MCTP1: variants seen among roughly 807,000 people sequenced by gnomAD.
MCTP1 encodes multiple C2 and transmembrane domain containing 1, also known as multiple C2 and transmembrane domain-containing protein 1.
In MCTP1, 69 loss-of-function variants were observed where a neutral mutation model predicts 120.6. The ratio of observed to expected loss-of-function variants is 0.57; its 90% CI spans 0.47 to 0.70. The LOEUF (loss-of-function observed/expected upper bound fraction) is 0.70. Ranked by LOEUF, MCTP1 falls within the 30% of genes least tolerant of loss-of-function variation. The pLI, the probability that MCTP1 is intolerant of heterozygous loss-of-function variation, is 0.00. For missense variants in MCTP1, 1,203 were observed against 1,248.8 expected, an observed-to-expected ratio of 0.96 and a Z score of 0.55; for synonymous variants, 529 against 493.1, an observed-to-expected ratio of 1.07 and a Z score of -0.96.
At chr5:94,975,353 A>T (rs146520949) in intron 2 of MCTP1, among the ~76,000 whole-genome samples, 18 of 151,990 alleles carry the variant, frequency 1.2e-4, no homozygotes, top group African/African-American at 4.1e-4. Flanking sequence ...TGCCCTCCTG[A>T]TGGGATTAGT....
At chr5:94,988,663 G>C (rs1830901932) in intron 2 of MCTP1, among the ~76,000 whole-genome samples, 1 of 147,978 alleles carries the variant, frequency 6.8e-6, no homozygotes, top group Non-Finnish European at 1.5e-5. Context: ...TTAAGATTTG[G>C]TTAGGTCCAG....
intron 1 of MCTP1, among the ~76,000 whole-genome samples, chr5:95,164,371 G>A (rs1279316960): frequency 2.0e-5 from 3 of 151,848 alleles, no homozygotes; most frequent in South Asian, 2.1e-4. Context: ...TAAATGTTTT[G>A]GAATCTTAAA....
chr5:94,812,843 T>C (rs572546708), intron 17 of MCTP1, among the ~76,000 whole-genome samples: 11 of 151,250 alleles, frequency 7.3e-5, no homozygotes, highest in Non-Finnish European at 1.5e-4. Context: ...GAGAAAATAT[T>C]TGTGGCCTTG....
intron 18 of MCTP1, among the ~76,000 whole-genome samples, chr5:94,780,338 AAG>A (rs1776305365): frequency 6.6e-6 from 1 of 152,078 alleles, no homozygotes; most frequent in African/African-American, 2.4e-5. Flanking sequence ...GTATTATGAA[AAG>A]AGTTACATAA....
At chr5:94,796,092 C>T (rs1779942845) in intron 18 of MCTP1, among the ~76,000 whole-genome samples, 1 of 152,116 alleles carries the variant, frequency 6.6e-6, no homozygotes, top group Non-Finnish European at 1.5e-5. Flanking sequence ...AGAATTTTAC[C>T]CATCTATGCA....
chr5:95,223,393 G>A (rs1273525087), intron 1 of MCTP1, among the ~76,000 whole-genome samples: 1 of 152,142 alleles, frequency 6.6e-6, no homozygotes, highest in East Asian at 1.9e-4. Context: ...CGAGGCTGCA[G>A]TGAGCCACGA....
At chr5:94,824,715 A>C (rs1786550637) in intron 17 of MCTP1, among the ~76,000 whole-genome samples, 2 of 152,124 alleles carry the variant, frequency 1.3e-5, no homozygotes, top group African/African-American at 4.8e-5. Context: ...CAGTTTCAGA[A>C]CTTGTTATTG....
chr5:95,123,795 G>A (rs1055084336), intron 1 of MCTP1, among the ~76,000 whole-genome samples: 5 of 151,728 alleles, frequency 3.3e-5, no homozygotes, highest in South Asian at 2.1e-4. Context: ...GACTACAGGC[G>A]CCCGCCACTG....
At chr5:95,252,150 G>C (rs1465035470) in intron 1 of MCTP1, among the ~76,000 whole-genome samples, 1 of 152,076 alleles carries the variant, frequency 6.6e-6, no homozygotes, top group Non-Finnish European at 1.5e-5. Flanking sequence ...CAAGGAAGGG[G>C]ACTTGACAGC....
In MCTP1 at chr5:95,125,277, C is replaced by T. The variant is rs116263896; in HGVS notation, c.721-107793G>A. On this transcript the variant is annotated intron_variant, in intron 1 of 22. Transcript: ENST00000515393. ...ATTCAAGTATATATTTGTTAACTTC[C>T]AAGTGGACCACTTGTCTGGTTTGAG... 4.6e-3 allele frequency among the ~76,000 whole-genome samples: 701 copies of T among 152,248 alleles called. 3 individuals carry two copies. Among genetic ancestry groups the T allele is most frequent in the African/African-American group, 0.016 (647 of 41,540 alleles).
chr5:95,090,930 G>A (rs573536615), intron 1 of MCTP1, among the ~76,000 whole-genome samples: 5 of 152,164 alleles, frequency 3.3e-5, no homozygotes, highest in African/African-American at 1.2e-4. Context: ...ATACTAGGTT[G>A]GTGCAAAAGT....
Position 95,284,162 on chromosome 5 carries a change from C to T in MCTP1, c.414G>A (p.Ala138=), listed in dbSNP as rs762500346. 49 of 1,567,256 alleles carry T rather than the reference C, an allele frequency of 3.1e-5. No individual in the cohort carries two copies. In the Admixed American group the frequency reaches 8.5e-4, roughly 27 times the overall value. ...GCGTCCCTCCCGCTGCTCCCGAGGC[C>T]GCCGCGGGCCCCTTTACGGCGGGGA... ...HLLPAVKGPA[A]ASGAAGGTPP... Residue 138 remains alanine, a synonymous_variant, in exon 1 of 23, where the codon GCG becomes GCA. Coordinates refer to ENST00000515393, the MANE Select transcript of MCTP1 (RefSeq NM_024717.7). The surrounding 1 kb of genome is among the most constrained non-coding windows in gnomAD (Gnocchi z 5.2).
chr5:95,048,146 T>C (rs1316350346), intron 1 of MCTP1, among the ~76,000 whole-genome samples: 1 of 152,218 alleles, frequency 6.6e-6, no homozygotes, highest in African/African-American at 2.4e-5. Flanking sequence ...AATTTGTTGC[T>C]TTTTAAAAAT....
At chr5:95,194,671 C>T (rs1469905018) in intron 1 of MCTP1, among the ~76,000 whole-genome samples, 2 of 152,118 alleles carry the variant, frequency 1.3e-5, no homozygotes, top group Non-Finnish European at 2.9e-5. Flanking sequence ...TCTCATGACA[C>T]CCACGTGAAA....
At chr5:94,879,811 G>A (rs1215444445) in intron 12 of MCTP1, among the ~76,000 whole-genome samples, 2 of 152,076 alleles carry the variant, frequency 1.3e-5, no homozygotes, top group South Asian at 2.1e-4. Flanking sequence ...GATCCCCAGA[G>A]GTTCCTGAAC....
chr5:95,126,008 T>A (rs1157884392), intron 1 of MCTP1, among the ~76,000 whole-genome samples: 1 of 152,230 alleles, frequency 6.6e-6, no homozygotes, highest in Non-Finnish European at 1.5e-5. Flanking sequence ...CTTTCGTGCC[T>A]CTTTGTTTTT....
At position 95,158,960 on chromosome 5, in the gene MCTP1, AT is replaced by A. The variant is rs879836019; in HGVS notation, c.720+124895del. Among the ~76,000 whole-genome samples the A allele has an allele frequency of 9.9e-5, 15 of 152,154 alleles. No homozygotes were observed. The East Asian group carries it at 1.3e-3, about 14-fold the overall frequency. On this transcript the variant is annotated intron_variant, in intron 1 of 22. Transcript: ENST00000515393. Reference sequence around the variant, plus strand: ...CAAATTTATTTAATATAATTTCTTAATTTTTTTATGGTGCAGAATTTTTTAG... The same window carrying A: ...CAAATTTATTTAATATAATTTCTTAATTTTTTATGGTGCAGAATTTTTTAG...
chr5:95,043,530 G>A (rs1842686148), intron 1 of MCTP1, among the ~76,000 whole-genome samples: 1 of 152,260 alleles, frequency 6.6e-6, no homozygotes, highest in Non-Finnish European at 1.5e-5. Flanking sequence ...CAGTTGTAGA[G>A]AAGAGGGAGA....
chr5:94,981,661 G>C (rs1233834885), intron 2 of MCTP1, among the ~76,000 whole-genome samples: 1 of 152,088 alleles, frequency 6.6e-6, no homozygotes, highest in African/African-American at 2.4e-5. Context: ...GTGGTCAGAG[G>C]GTTTGCTATT....
Sources: allele counts gnomAD v4.1 joint callset (sites outside exome capture counted in the v4.1 genomes callset), GRCh38; gene constraint gnomAD v4.1.1; non-coding constraint Gnocchi (gnomAD v3.1); transcripts MANE v1.5; gene names NCBI Gene and HGNC (gene_info 2026-07-23, HGNC 2026-07-21).